IGSF11: variants seen among roughly 807,000 people sequenced by gnomAD.
The protein encoded by IGSF11 is CXADR like 1.
IGSF11 carries 22 observed loss-of-function variants against 41.0 expected under a neutral mutation model. The observed-to-expected ratio is 0.54, with a 90% CI of 0.38 to 0.77. The LOEUF is 0.77. Among genes scored for constraint, IGSF11 ranks in the 30% least tolerant of loss-of-function variants. The probability of loss-of-function intolerance (pLI) is 0.00; values close to 1 mark genes in which losing one functional copy is unlikely to be tolerated. For synonymous variants in IGSF11, 219 were observed against 201.3 expected, an observed-to-expected ratio of 1.09 and a Z score of -0.74; for missense variants, 444 against 530.8, an observed-to-expected ratio of 0.84 and a Z score of 1.61.
intron 1 of IGSF11, among the ~76,000 whole-genome samples, chr3:119,050,443 G>T (rs980527139): frequency 1.3e-5 from 2 of 152,140 alleles, no homozygotes; most frequent in African/African-American, 4.8e-5. Flanking sequence ...AAACCACAAT[G>T]AGATACCATC....
chr3:119,054,798 T>C (rs251447), intron 1 of IGSF11, among the ~76,000 whole-genome samples: 96,665 of 151,932 alleles, frequency 0.64, 30,936 homozygotes, highest in South Asian at 0.76. Flanking sequence ...CATCAACCAA[T>C]GAGTGGATAA....
intron 1 of IGSF11, among the ~76,000 whole-genome samples, chr3:119,117,398 A>G (rs1203540744): frequency 1.3e-5 from 2 of 152,156 alleles, no homozygotes; most frequent in African/African-American, 4.8e-5. Flanking sequence ...TCTTACATGG[A>G]TGGCAGCAGG....
At chr3:119,109,345 C>T (rs1431977123), upstream of IGSF11, among the ~76,000 whole-genome samples, 3 of 151,890 alleles carry the variant, frequency 2.0e-5, no homozygotes, top group Admixed American at 1.3e-4. Context: ...GGAATTTATC[C>T]ATTTCTTCTA....
intron 1 of IGSF11, among the ~76,000 whole-genome samples, chr3:118,937,309 T>G (rs939315732): frequency 2.0e-5 from 3 of 152,222 alleles, no homozygotes; most frequent in Admixed American, 2.0e-4. Flanking sequence ...TTTATCAGAC[T>G]GACATGAGTT....
intron 1 of IGSF11, among the ~76,000 whole-genome samples, chr3:119,059,577 C>A (rs1003221773): frequency 2.0e-5 from 3 of 151,950 alleles, no homozygotes; most frequent in Non-Finnish European, 4.4e-5. Context: ...GAAAAGGATA[C>A]ATTTATTATT....
chr3:119,094,053 C>T (rs1461732089), intron 1 of IGSF11, among the ~76,000 whole-genome samples: 1 of 150,880 alleles, frequency 6.6e-6, no homozygotes, highest in African/African-American at 2.4e-5. Flanking sequence ...GGTAAATCAC[C>T]TCATGAGGTA....
At chr3:118,961,329 T>C (rs1022331415) in intron 1 of IGSF11, among the ~76,000 whole-genome samples, 1 of 152,208 alleles carries the variant, frequency 6.6e-6, no homozygotes, top group Non-Finnish European at 1.5e-5. Flanking sequence ...GCTCCAAAAC[T>C]AGGCTTCTGC....
Position 118,902,907 on chromosome 3 carries a change from A to C in IGSF11, c.909T>G (p.Ile303Met). 6 of 1,614,164 alleles carry C rather than the reference A, an allele frequency of 3.7e-6. No individual in the cohort carries two copies. The highest frequency in any genetic ancestry group is 5.1e-6 in the Non-Finnish European group (6 of 1,179,994). The change falls in exon 7 of 7, where the codon ATT (isoleucine) becomes ATG (methionine). Residue 303 changes from isoleucine to methionine, a missense_variant. Transcript: ENST00000393775. ...TTAGTGTGTTGTTGTCCGAGGAGGAAATCTCAGTGTGAAATGCTTTGGCAG... is the reference window on the plus strand; with the variant it reads ...TTAGTGTGTTGTTGTCCGAGGAGGACATCTCAGTGTGAAATGCTTTGGCAG... Reference protein sequence around the residue: ...CSSAKAFHTEISSSDNNTLTS... With the variant: ...CSSAKAFHTEMSSSDNNTLTS...
intron 1 of IGSF11, among the ~76,000 whole-genome samples, chr3:119,074,629 G>GT (rs763399638): frequency 2.4e-4 from 37 of 151,358 alleles, no homozygotes; most frequent in Middle Eastern, 3.4e-3. Context: ...GCCGAGGCAG[G>GT]TGGATCACAA....
chr3:119,138,433 C>A (rs2077593347), intron 1 of IGSF11, among the ~76,000 whole-genome samples: 1 of 152,172 alleles, frequency 6.6e-6, no homozygotes, highest in Non-Finnish European at 1.5e-5. Flanking sequence ...GCCTGTAATC[C>A]TAACACTTTG....
chr3:119,075,913 T>C (rs2076486901), intron 1 of IGSF11, among the ~76,000 whole-genome samples: 1 of 152,160 alleles, frequency 6.6e-6, no homozygotes, highest in Non-Finnish European at 1.5e-5. Context: ...AAAACTACTT[T>C]AAAGTTCATA....
At chr3:119,107,231 A>C (rs1048356842), upstream of IGSF11, among the ~76,000 whole-genome samples, 1 of 152,186 alleles carries the variant, frequency 6.6e-6, no homozygotes, top group Non-Finnish European at 1.5e-5. Context: ...CTATTTCTCC[A>C]CATCCTCTCC....
Position 118,902,942 on chromosome 3 carries a change from T to C in IGSF11, c.874A>G (p.Lys292Glu). Residue 292 changes from lysine to glutamate, a missense_variant, in exon 7 of 7, where the codon AAG (lysine) becomes GAG (glutamate). Lys to Glu is a moderately conservative substitution (Grantham distance 56). Transcript: ENST00000393775. ...NEIREDDLPP[K>E]CSSAKAFHTE... is the part of the protein sequence containing the mutation. Reference sequence around the variant, plus strand: ...TGAAATGCTTTGGCAGAAGAACACTTGGGTGGAAGATCATCCTCTCTGAAA... The same window carrying C: ...TGAAATGCTTTGGCAGAAGAACACTCGGGTGGAAGATCATCCTCTCTGAAA... The C allele has an allele frequency of 6.2e-7, 1 of 1,613,796 alleles. No homozygotes were observed. Among genetic ancestry groups the C allele is most frequent in the East Asian group, 2.2e-5 (1 of 44,872 alleles).
chr3:119,021,508 T>G (rs976872798), intron 1 of IGSF11, among the ~76,000 whole-genome samples: 16 of 152,128 alleles, frequency 1.1e-4, no homozygotes, highest in Admixed American at 1.0e-3. Flanking sequence ...TATTGATCAC[T>G]CACCATATGT....
intron 6 of IGSF11, among the ~76,000 whole-genome samples, 187 bp downstream of exon 6, chr3:118,904,461 C>T (rs1939327444): frequency 6.6e-6 from 1 of 152,166 alleles, no homozygotes; most frequent in African/African-American, 2.4e-5. Context: ...TTCCCTCCTT[C>T]ATGATCCAGT....
chr3:119,065,219 T>C (rs1378683895), intron 1 of IGSF11, among the ~76,000 whole-genome samples: 2 of 152,204 alleles, frequency 1.3e-5, no homozygotes, highest in African/African-American at 2.4e-5. Flanking sequence ...ATCATTAATG[T>C]GCACTAAATT....
At chr3:119,042,809 C>T (rs1011246370) in intron 1 of IGSF11, among the ~76,000 whole-genome samples, 2 of 152,210 alleles carry the variant, frequency 1.3e-5, no homozygotes, top group African/African-American at 4.8e-5. Flanking sequence ...CCTACTACCT[C>T]AGCTGGTGCT....
chr3:119,009,674 G>A (rs781048435), intron 1 of IGSF11, among the ~76,000 whole-genome samples: 11 of 152,094 alleles, frequency 7.2e-5, no homozygotes, highest in African/African-American at 9.7e-5. Flanking sequence ...GTGTGAGAAC[G>A]AATACAATGA....
chr3:118,912,863 G>A (rs1192816652), intron 4 of IGSF11, among the ~76,000 whole-genome samples: 1 of 152,196 alleles, frequency 6.6e-6, no homozygotes, highest in Non-Finnish European at 1.5e-5. Flanking sequence ...GCCAGGTGCT[G>A]TGGCTCACAT....
Sources: allele counts gnomAD v4.1 joint callset (sites outside exome capture counted in the v4.1 genomes callset), GRCh38; gene constraint gnomAD v4.1.1; transcripts MANE v1.5; gene names NCBI Gene and HGNC (gene_info 2026-07-23, HGNC 2026-07-21).